The following RALGDS variants were observed in gnomAD, a reference collection of about 807,000 sequenced individuals.
RALGDS encodes ral guanine nucleotide dissociation stimulator, also known as ral guanine nucleotide exchange factor.
Under a neutral mutation model 99.8 loss-of-function variants are expected in RALGDS, and 44 were observed. The observed-to-expected ratio is 0.44, with a 90% CI of 0.35 to 0.57. RALGDS has a LOEUF of 0.57. RALGDS is among the 20% of genes least tolerant of loss of function. The pLI is 0.01. For missense variants in RALGDS, 1,022 were observed against 1,203.1 expected, an observed-to-expected ratio of 0.85 and a Z score of 2.23; for synonymous variants, 529 against 505.0, an observed-to-expected ratio of 1.05 and a Z score of -0.64.
At chr9:133,136,364 G>A (rs886716669) in intron 1 of RALGDS, among the ~76,000 whole-genome samples, 1 of 152,240 alleles carries the variant, frequency 6.6e-6, no homozygotes, top group African/African-American at 2.4e-5. Flanking sequence ...TTGGCCGGGC[G>A]CGGTGGCTCA....
chr9:133,130,676 A>G (rs1588565611), intron 1 of RALGDS, among the ~76,000 whole-genome samples: 1 of 152,078 alleles, frequency 6.6e-6, no homozygotes, highest in East Asian at 1.9e-4. Flanking sequence ...ACAACTTACT[A>G]CCTTGTCCCT....
chr9:133,129,523 G>A, intron 1 of RALGDS: 3 of 1,158,568 alleles, frequency 2.6e-6, no homozygotes, highest in Non-Finnish European at 3.4e-6. Flanking sequence ...CGAGTGGAGA[G>A]GCTGCCCCAA....
chr9:133,105,561 C>T (rs748092353), intron 9 of RALGDS, among the ~76,000 whole-genome samples: 16 of 152,070 alleles, frequency 1.1e-4, no homozygotes, highest in Non-Finnish European at 1.9e-4. Flanking sequence ...GCCTGGCCTC[C>T]CGGGGACAGA....
At chr9:133,129,406 C>A in intron 1 of RALGDS, 1 of 1,432,272 alleles carries the variant, frequency 7.0e-7, no homozygotes, top group Non-Finnish European at 9.1e-7. Context: ...TGGAGTGGAG[C>A]ACCCGAGTGC....
Position 133,144,312 on chromosome 9 carries a change from C to G in RALGDS, c.18+4651G>C, listed in dbSNP as rs751475253. On this transcript the variant is annotated intron_variant, in intron 1 of 17. Coordinates refer to the RALGDS transcript ENST00000393160. This position sits in a 1 kb window ranked among gnomAD's most constrained non-coding sequence, Gnocchi z 4.5. ...GCAGGTCCCCTATCCCTCCTCCCTGCCTTCCTTTCCGCCCCGCTGACACCA... is the reference window on the plus strand; with the variant it reads ...GCAGGTCCCCTATCCCTCCTCCCTGGCTTCCTTTCCGCCCCGCTGACACCA... 6.6e-6 allele frequency among the ~76,000 whole-genome samples: 1 copy of G among 152,148 alleles called. No individual in the cohort carries two copies. The highest frequency in any genetic ancestry group is 6.5e-5 in the Admixed American group (1 of 15,284).
At chr9:133,127,321 G>A (rs1832192529) in intron 1 of RALGDS, among the ~76,000 whole-genome samples, 1 of 152,260 alleles carries the variant, frequency 6.6e-6, no homozygotes. Context: ...GTGGCCTTTG[G>A]CCATCACCTT....
chr9:133,104,088 T>A (rs1830899020), intron 10 of RALGDS, among the ~76,000 whole-genome samples, 175 bp downstream of exon 10: 1 of 152,142 alleles, frequency 6.6e-6, no homozygotes, highest in Non-Finnish European at 1.5e-5. Flanking sequence ...AGGCCTGTCC[T>A]TTCGTGGCTG....
At chr9:133,105,729 A>C (rs1188553426) in intron 9 of RALGDS, among the ~76,000 whole-genome samples, 1 of 152,082 alleles carries the variant, frequency 6.6e-6, no homozygotes, top group Admixed American at 6.5e-5. Context: ...CCTGTCCCTC[A>C]AACACCCAGG....
Position 133,108,742 on chromosome 9 carries a change from G to A in RALGDS, c.709C>T (p.Leu237=), listed in dbSNP as rs764688963. ...AGGAGAAGGTGGGCACGGCGCTCCA[G>A]GTCTGAGCCTGGCATGTTGAGCTGC... ...YVQLNMPGSD[L]ERRAHLLLAQ... Residue 237 remains leucine (L), a synonymous_variant, in exon 5 of 18, where the codon CTG becomes TTG. Coordinates refer to ENST00000372050, the MANE Select transcript of RALGDS (RefSeq NM_006266.4). 3.1e-6 allele frequency: 5 copies of A among 1,613,742 alleles called. No individual in the cohort carries two copies. The highest frequency in any genetic ancestry group is 4.2e-6 in the Non-Finnish European group (5 of 1,180,018).
chr9:133,104,198 G>A (rs973014958), intron 10 of RALGDS, 65 bp downstream of exon 10: 4 of 1,512,758 alleles, frequency 2.6e-6, no homozygotes, highest in Non-Finnish European at 2.7e-6. Flanking sequence ...GGCTAGAGAG[G>A]AAAGGGCCCT....
intron 1 of RALGDS, among the ~76,000 whole-genome samples, chr9:133,127,389 G>A (rs1832194392): frequency 6.6e-6 from 1 of 152,270 alleles, no homozygotes; most frequent in Non-Finnish European, 1.5e-5. Flanking sequence ...CCTGACTCAG[G>A]TCAGGCCCTG....
At position 133,101,965 on chromosome 9, in the gene RALGDS, C is replaced by G. The variant is rs769538916; in HGVS notation, c.2184G>C (p.Pro728=). Reference sequence around the variant, plus strand: ...TCTTTTCCTGGCCATCAGGAGACTCCGGGACGAAGCTGATGTTGATCTCCT... The same window carrying G: ...TCTTTTCCTGGCCATCAGGAGACTCGGGGACGAAGCTGATGTTGATCTCCT... ...DVEEINISFV[P]ESPDGQEKKF... is the part of the protein sequence containing the mutation. The change falls in exon 15 of 18, where the codon CCG becomes CCC. Residue 728 remains proline, a synonymous_variant. Coordinates refer to ENST00000372050, the MANE Select transcript of RALGDS (RefSeq NM_006266.4). 3 of 1,551,380 alleles carry G rather than the reference C, an allele frequency of 1.9e-6. No homozygotes were observed. Among genetic ancestry groups the G allele is most frequent in the Non-Finnish European group, 2.6e-6 (3 of 1,147,108 alleles).
intron 9 of RALGDS, 152 bp from the exon 10 acceptor site, chr9:133,104,483 T>A: frequency 2.9e-6 from 2 of 689,910 alleles, no homozygotes; most frequent in Non-Finnish European, 5.1e-6. Flanking sequence ...CTGGCCTTCC[T>A]GAGCCTGCCT....
chr9:133,145,365 G>T (rs1039659398), intron 1 of RALGDS, among the ~76,000 whole-genome samples: 1 of 151,920 alleles, frequency 6.6e-6, no homozygotes. Flanking sequence ...CAACTCCCCG[G>T]ATTCTTGTTA....
upstream of RALGDS, among the ~76,000 whole-genome samples, chr9:133,135,025 A>C (rs951155730): frequency 5.9e-5 from 9 of 152,100 alleles, no homozygotes; most frequent in Admixed American, 1.3e-4. Flanking sequence ...AGGTGATTTT[A>C]TCCTCACGGT....
intron 1 of RALGDS, among the ~76,000 whole-genome samples, chr9:133,139,117 G>A (rs1484991084): frequency 1.3e-5 from 2 of 152,154 alleles, no homozygotes; most frequent in African/African-American, 4.8e-5. Flanking sequence ...GCATGCTGCA[G>A]ACATACAGGG....
chr9:133,115,255 T>C (rs1051577794), intron 1 of RALGDS, among the ~76,000 whole-genome samples: 1 of 152,180 alleles, frequency 6.6e-6, no homozygotes, highest in Non-Finnish European at 1.5e-5. Flanking sequence ...AGTGGCCCCC[T>C]GCCCCATGGA....
At position 133,104,249 on chromosome 9, in the gene RALGDS, T is replaced by G; in HGVS notation, c.1671+14A>C. On this transcript the variant is annotated intron_variant, in intron 10 of 17. Transcript: ENST00000372050. ...GCCAGCCCCCTGCCCCTCCGCGGCC[T>G]TGGGCACTCTCACCGTCTCCTTCGG... 6.2e-7 allele frequency: 1 copy of G among 1,610,658 alleles called. No individual in the cohort carries two copies. The highest frequency in any genetic ancestry group is 8.5e-7 in the Non-Finnish European group (1 of 1,177,072).
At chr9:133,101,794 C>A (rs1469290376) in intron 15 of RALGDS, 32 bp from the exon 16 acceptor site, 1 of 1,575,470 alleles carries the variant, frequency 6.3e-7, no homozygotes, top group South Asian at 1.1e-5. Context: ...GCAGATCCCA[C>A]TGCCCTGTGG....
Sources: gnomAD v4.1 joint callset for allele counts (sites outside exome capture counted in the v4.1 genomes callset) on GRCh38, gnomAD v4.1.1 for gene constraint, Gnocchi (gnomAD v3.1) non-coding constraint, MANE v1.5 for transcripts, NCBI Gene and HGNC (gene_info 2026-07-23, HGNC 2026-07-21) for gene names.